CORO7: variants seen among roughly 807,000 people sequenced by gnomAD.
CORO7 encodes the protein coronin-7.
In CORO7, 107 loss-of-function variants were observed where a neutral mutation model predicts 126.6. That is an observed-to-expected ratio of 0.85 (90% CI 0.72 to 0.99). The LOEUF (loss-of-function observed/expected upper bound fraction) is 0.99, where lower values mean the gene tolerates loss of function less well. Among genes scored for constraint, CORO7 ranks in the 50% least tolerant of loss-of-function variants. The pLI is 0.00. For synonymous variants in CORO7, 603 were observed against 536.8 expected (o/e 1.12, Z -1.70); for missense variants, 1,314 against 1,255.8 (o/e 1.05, Z -0.70).
At chr16:4,377,013 C>A (rs536723086) in intron 9 of CORO7, among the ~76,000 whole-genome samples, 5 of 152,212 alleles carry the variant, frequency 3.3e-5, no homozygotes, top group Non-Finnish European at 7.3e-5. Flanking sequence ...GACCAAGTCA[C>A]CCCAGACACA....
chr16:4,365,407 T>G (rs539033618), intron 10 of CORO7, 84 bp downstream of exon 10: 1 of 1,532,260 alleles, frequency 6.5e-7, no homozygotes, highest in African/African-American at 1.4e-5. Context: ...GAGGCCCTGT[T>G]CGAGTTCCTC....
intron 2 of CORO7, chr16:4,412,998 C>T (rs967931391): frequency 1.5e-5 from 5 of 326,678 alleles, no homozygotes; most frequent in Non-Finnish European, 2.8e-5. Context: ...CATCCAGGGC[C>T]CAAAGATGAG....
intron 9 of CORO7, among the ~76,000 whole-genome samples, chr16:4,386,821 T>A (rs1027216419): frequency 5.3e-5 from 8 of 152,142 alleles, no homozygotes; most frequent in African/African-American, 1.9e-4. Context: ...CTACCCCTCC[T>A]CTGGGCGGCT....
intron 6 of CORO7, 30 bp downstream of exon 6, chr16:4,405,461 C>A (rs2055963103): frequency 6.2e-7 from 1 of 1,606,500 alleles, no homozygotes; most frequent in Non-Finnish European, 8.5e-7. Context: ...TGCACAGAGC[C>A]CCACAGGGCA....
chr16:4,379,359 C>T (rs948383218), intron 9 of CORO7, among the ~76,000 whole-genome samples: 1 of 152,050 alleles, frequency 6.6e-6, no homozygotes, highest in Non-Finnish European at 1.5e-5. Context: ...AGCGGTCTCC[C>T]CAGGAGTCTA....
chr16:4,388,021 G>A lies in CORO7; in HGVS notation c.750C>T (p.Ser250=), dbSNP rs752241535. The A allele has an allele frequency of 3.1e-6, 5 of 1,613,062 alleles. No individual in the cohort carries two copies. The highest frequency in any genetic ancestry group is 1.1e-5 in the South Asian group (1 of 91,080). The change falls in exon 9 of 28, where the codon AGC becomes AGT. Residue 250 remains serine, a synonymous_variant. Transcript: ENST00000251166. ...VKLWDTRFFS[S]ALASLTLDTS... is the part of the protein sequence containing the mutation. ...TGTCCAAGGTGAGGGAGGCCAGGGC[G>A]CTGGAGAAGAACCGCGTGTCCCACA...
chr16:4,401,642 G>C (rs1323948211), intron 6 of CORO7, among the ~76,000 whole-genome samples: 1 of 152,182 alleles, frequency 6.6e-6, no homozygotes, highest in African/African-American at 2.4e-5. Flanking sequence ...GAGTGGGACA[G>C]AAACAGAGCA....
chr16:4,384,311 G>T (rs2055112727), intron 9 of CORO7, among the ~76,000 whole-genome samples: 1 of 152,256 alleles, frequency 6.6e-6, no homozygotes, highest in African/African-American at 2.4e-5. Flanking sequence ...TTCCAGGAAG[G>T]CTGCATGCTG....
intron 7 of CORO7, among the ~76,000 whole-genome samples, chr16:4,392,363 G>C (rs1271796241): frequency 6.6e-6 from 1 of 152,182 alleles, no homozygotes; most frequent in African/African-American, 2.4e-5. Context: ...CCGACTCTCG[G>C]GGTCTGCACC....
intron 6 of CORO7, among the ~76,000 whole-genome samples, chr16:4,398,000 C>A (rs1363616486): frequency 6.6e-6 from 1 of 152,096 alleles, no homozygotes; most frequent in Non-Finnish European, 1.5e-5. Context: ...CACTGCAAAT[C>A]AACCTCCTGG....
chr16:4,376,728 G>A (rs1309381756), intron 9 of CORO7, among the ~76,000 whole-genome samples: 1 of 152,084 alleles, frequency 6.6e-6, no homozygotes, highest in Non-Finnish European at 1.5e-5. Flanking sequence ...CTTACTCATA[G>A]GGCCCCTCCC....
chr16:4,388,198 G>C lies in CORO7; in HGVS notation c.703-130C>G. On this transcript the variant is annotated intron_variant, in intron 8 of 27. Transcript: ENST00000251166. ...CCTGCCCCAGAGCAGGGCTTGGAGT[G>C]GGGGTGGGAGTCACCCCAGGGAAAG... 3 of 1,154,934 alleles carry C rather than the reference G, an allele frequency of 2.6e-6. No individual in the cohort carries two copies. In the East Asian group the frequency reaches 7.7e-5, roughly 30 times the overall value. The allele number at this position is 1,154,934 out of a possible 1,614,324, so 71.5% of individuals were successfully genotyped here.
chr16:4,395,154 CT>C, intron 7 of CORO7, 134 bp downstream of exon 7: 1 of 1,286,842 alleles, frequency 7.8e-7, no homozygotes, highest in Non-Finnish European at 1.1e-6. Context: ...GGTGGTCCAC[CT>C]CCTGGGGACC....
chr16:4,360,506 T>C lies in CORO7; in HGVS notation c.1960A>G (p.Thr654Ala). 1 of 1,611,588 alleles carries C rather than the reference T, an allele frequency of 6.2e-7. No individual in the cohort carries two copies. The highest frequency in any genetic ancestry group is 8.5e-7 in the Non-Finnish European group (1 of 1,179,370). Residue 654 changes from threonine to alanine, a missense_variant, in exon 20 of 28, where the codon ACT (threonine) becomes GCT (alanine). Physicochemically the swap from Thr to Ala is moderately conservative, Grantham distance 58. Transcript: ENST00000251166. ...AWSPDGQQLA[T>A]VCKDGRVRVY... Reference sequence around the variant, plus strand: ...CGCACACGCCCATCCTTGCAGACAGTGGCCAGCTGCTGCCCATCAGGACTC... The same window carrying C: ...CGCACACGCCCATCCTTGCAGACAGCGGCCAGCTGCTGCCCATCAGGACTC...
At position 4,405,555 on chromosome 16, in the gene CORO7, T is replaced by C. The variant is rs377516366; in HGVS notation, c.500A>G (p.His167Arg). 6.2e-7 allele frequency: 1 copy of C among 1,612,276 alleles called. No homozygotes were observed. The highest frequency in any genetic ancestry group is 8.5e-7 in the Non-Finnish European group (1 of 1,179,688). ...GACGGCGCTCTGCACCAGGTCCCCA[T>C]GGGCTGCCAGCTCTGCAGAGAAGCA... is the stretch of plus-strand genomic sequence containing the variant. Reference protein sequence around the residue: ...KQQPLTELAAHGDLVQSAVWS... With the variant: ...KQQPLTELAARGDLVQSAVWS... Residue 167 changes from histidine to arginine, a missense_variant, in exon 6 of 28, where the codon CAT (histidine) becomes CGT (arginine). By Grantham distance (29) the His-to-Arg change is conservative. Transcript: ENST00000251166.
intron 9 of CORO7, among the ~76,000 whole-genome samples, chr16:4,378,354 AGGC>A (rs1490852840): frequency 3.9e-5 from 6 of 152,130 alleles, no homozygotes; most frequent in Admixed American, 6.5e-5. Context: ...CAGGCTGGCC[AGGC>A]TGGCCACGTG....
At chr16:4,390,167 G>A (rs111318077) in intron 7 of CORO7, among the ~76,000 whole-genome samples, 14 of 152,318 alleles carry the variant, frequency 9.2e-5, no homozygotes, top group African/African-American at 1.9e-4. Context: ...GGAGCCGCAC[G>A]GTGTTAGGGG....
At chr16:4,382,428 C>T (rs1351697591) in intron 9 of CORO7, 10 of 1,611,106 alleles carry the variant, frequency 6.2e-6, no homozygotes, top group African/African-American at 1.3e-5. Context: ...CTGCCTCGCT[C>T]GCTGAGTACA....
chr16:4,368,797 C>T (rs1050480519), intron 9 of CORO7, among the ~76,000 whole-genome samples: 2 of 151,652 alleles, frequency 1.3e-5, no homozygotes, highest in African/African-American at 2.4e-5. Context: ...ACAGCAAGAC[C>T]CTATCTCAAA....
Sources: gnomAD v4.1 joint callset for allele counts (sites outside exome capture counted in the v4.1 genomes callset) on GRCh38, gnomAD v4.1.1 for gene constraint, MANE v1.5 for transcripts, NCBI Gene and HGNC (gene_info 2026-07-23, HGNC 2026-07-21) for gene names.